The following GAB3 variants were observed in gnomAD, a reference collection of about 807,000 sequenced individuals.
GAB3 encodes GRB2-associated-binding protein 3.
Under a neutral mutation model 40.4 loss-of-function variants are expected in GAB3, and 12 were observed. That is an observed-to-expected ratio of 0.30 (90% CI 0.19 to 0.48). The LOEUF is 0.48. Among genes scored for constraint, GAB3 ranks in the 20% least tolerant of loss-of-function variants. The pLI, the probability that GAB3 is intolerant of heterozygous loss-of-function variation, is 0.99. For synonymous variants in GAB3, 154 were observed against 176.7 expected (o/e 0.87, Z 1.02); for missense variants, 381 against 461.9 (o/e 0.82, Z 1.61).
Position 154,709,366 on chromosome X carries a change from A to G in GAB3, c.1069+2863T>C, listed in dbSNP as rs181022121. ...GACGAAGTCTTGCTCTGTCGCCCAG[A>G]CTGGAGTGCAGTGGTGTGATCTTGG... On this transcript the variant is annotated intron_variant, in intron 4 of 9. Transcript: ENST00000424127. Among the ~76,000 whole-genome samples the G allele has an allele frequency of 7.7e-3, 809 of 104,643 alleles. 6 individuals carry two copies. Among genetic ancestry groups the G allele is most frequent in the Non-Finnish European group, 0.013 (652 of 51,127 alleles). The allele number at this position is 104,643 out of a possible 115,157, so 90.9% of individuals were successfully genotyped here.
Position 154,678,113 on chromosome X carries a change from A to C in GAB3, c.*65T>G, listed in dbSNP as rs782502280. On this transcript the variant is annotated 3_prime_UTR_variant, in exon 10 of 10. Coordinates refer to ENST00000424127, the MANE Select transcript of GAB3 (RefSeq NM_001081573.3). ...GTTTTTAGTGGACAAAAAAAAAAAAAAAAGAAAAAACTCAAACTGAGCCCC... is the reference window on the plus strand; with the variant it reads ...GTTTTTAGTGGACAAAAAAAAAAAACAAAGAAAAAACTCAAACTGAGCCCC... The C allele has an allele frequency of 5.3e-5, 31 of 588,962 alleles. No individual in the cohort carries two copies. The Middle Eastern group carries it at 2.6e-3, about 50-fold the overall frequency. 48.5% of individuals were successfully genotyped at this position (588,962 alleles called of 1,213,427 possible).
intron 4 of GAB3, among the ~76,000 whole-genome samples, chrX:154,708,689 A>G (rs944476988): frequency 2.7e-5 from 3 of 112,159 alleles, no homozygotes; most frequent in East Asian, 2.8e-4. Context: ...AGGATGGCTA[A>G]TATCAAAAAA....
chrX:154,680,084 G>T, intron 9 of GAB3, 48 bp downstream of exon 9: 1 of 862,379 alleles, frequency 1.2e-6, no homozygotes, highest in Non-Finnish European at 1.7e-6. Context: ...AAAAGTCTAG[G>T]CAGAGATGGA....
intron 8 of GAB3, among the ~76,000 whole-genome samples, chrX:154,692,526 G>A (rs192928197): frequency 1.1e-4 from 12 of 112,361 alleles, no homozygotes; most frequent in African/African-American, 3.9e-4. Context: ...GATGGCTCAC[G>A]CCTGTAATCT....
In GAB3 at chrX:154,716,010, C is replaced by G; in HGVS notation, c.376+16G>C. ...GGATACCCCTTAGCACATGGGAGCC[C>G]CAACTCCGCTCTTACCTGCACCATC... On this transcript the variant is annotated intron_variant, in intron 2 of 9. Coordinates refer to ENST00000424127, the MANE Select transcript of GAB3 (RefSeq NM_001081573.3). 1 of 1,196,122 alleles carries G rather than the reference C, an allele frequency of 8.4e-7. No individual in the cohort carries two copies.
chrX:154,695,457 T>C (rs1273336000), intron 8 of GAB3, among the ~76,000 whole-genome samples: 1 of 111,770 alleles, frequency 8.9e-6, no homozygotes, highest in African/African-American at 3.3e-5. Flanking sequence ...CCTTTCCCAA[T>C]GGGACTCTAA....
Position 154,699,298 on chromosome X carries a change from C to T in GAB3, c.1341G>A (p.Arg447=). The stretch of plus-strand genomic sequence containing the variant: ...CAGGCCTGGTCAAGTGCTTACATTT[C>T]CTCTGAGGCTTGAGATCTCTATTCA... ...PPVNRDLKPQ[R]KSRPPPLDLR... is the part of the protein sequence containing the mutation. The change falls in exon 6 of 10, where the codon AGG becomes AGA. Residue 447 remains arginine (R), a synonymous_variant. Transcript: ENST00000424127. The T allele has an allele frequency of 8.3e-7, 1 of 1,206,294 alleles. No individual in the cohort carries two copies. The highest frequency in any genetic ancestry group is 1.1e-6 in the Non-Finnish European group (1 of 890,597).
intron 1 of GAB3, among the ~76,000 whole-genome samples, chrX:154,724,329 G>A (rs2071180466): frequency 9.2e-6 from 1 of 108,358 alleles, no homozygotes; most frequent in Non-Finnish European, 1.9e-5. Flanking sequence ...GGGCAACAGA[G>A]TGAGACTTCA....
rs782739784 is a variant in GAB3 at position 154,726,205 on chromosome X, C to T, written c.73-9876G>A. Among the ~76,000 whole-genome samples the T allele has an allele frequency of 6.3e-5, 7 of 110,950 alleles. No individual in the cohort carries two copies. In the East Asian group the frequency reaches 2.0e-3, roughly 31 times the overall value. ...AACATTTGAGATTTAAAGGAAAATA[C>T]GAACATAATGAGAGAAATGGAAGTT... On this transcript the variant is annotated intron_variant, in intron 1 of 9. Transcript: ENST00000424127.
intron 7 of GAB3, among the ~76,000 whole-genome samples, chrX:154,696,298 CAAAA>C (rs35105330): frequency 7.5e-5 from 3 of 40,139 alleles, no homozygotes; most frequent in Non-Finnish European, 9.1e-5. Context: ...TATCATTTAG[CAAAA>C]AAAAAAAAAA....
At position 154,700,086 on chromosome X, in the gene GAB3, G is replaced by A. The variant is rs202124648; in HGVS notation, c.1070-27C>T. 14 of 1,146,039 alleles carry A rather than the reference G, an allele frequency of 1.2e-5. No individual in the cohort carries two copies. The East Asian group carries it at 2.1e-4, about 17-fold the overall frequency. The allele number at this position is 1,146,039 out of a possible 1,213,427, so 94.4% of individuals were successfully genotyped here. ...TGCAAGAAATAAGCCAAGGTGGTGA[G>A]AAATGCAGAACAATATCAACTGAAA... On this transcript the variant is annotated intron_variant, in intron 4 of 9. Transcript: ENST00000424127.
At chrX:154,685,003 T>G (rs1217878267) in intron 8 of GAB3, among the ~76,000 whole-genome samples, 1 of 112,124 alleles carries the variant, frequency 8.9e-6, no homozygotes, top group Non-Finnish European at 1.9e-5. Flanking sequence ...CGTTCTGATT[T>G]ATTAGTAACT....
chrX:154,751,515 C>A (rs1325131788), upstream of GAB3: 2 of 749,884 alleles, frequency 2.7e-6, no homozygotes, highest in African/African-American at 4.6e-5. Context: ...GTGCATAGTT[C>A]ACGGAGAAAC....
intron 1 of GAB3, among the ~76,000 whole-genome samples, chrX:154,738,589 A>C (rs1269749813): frequency 4.5e-5 from 5 of 111,872 alleles, no homozygotes; most frequent in African/African-American, 1.6e-4. Context: ...GCTGTAATTC[A>C]TCTTGGGCTA....
At chrX:154,697,380 A>G (rs2070676032) in intron 6 of GAB3, among the ~76,000 whole-genome samples, 167 bp from the exon 7 acceptor site, 1 of 112,213 alleles carries the variant, frequency 8.9e-6, no homozygotes, top group Non-Finnish European at 1.9e-5. Context: ...CTGGGAGTAA[A>G]GACAAATACT....
intron 3 of GAB3, 127 bp from the exon 4 acceptor site, chrX:154,712,828 A>C: frequency 2.4e-6 from 1 of 422,763 alleles, no homozygotes; most frequent in Non-Finnish European, 4.0e-6. Context: ...CATTCCCTCT[A>C]CAACACTCAG....
chrX:154,684,008 C>T (rs1376243932), intron 8 of GAB3, among the ~76,000 whole-genome samples: 1 of 111,697 alleles, frequency 9.0e-6, no homozygotes, highest in Non-Finnish European at 1.9e-5. Flanking sequence ...ATTTTATTCA[C>T]ACATTCATCA....
At chrX:154,711,675 G>C (rs887931362) in intron 4 of GAB3, among the ~76,000 whole-genome samples, 7 of 112,218 alleles carry the variant, frequency 6.2e-5, no homozygotes, top group Non-Finnish European at 1.3e-4. Flanking sequence ...AAAAATAGAA[G>C]GCAGTGATGG....
intron 8 of GAB3, among the ~76,000 whole-genome samples, chrX:154,695,205 T>C (rs1193704814): frequency 2.1e-4 from 23 of 111,727 alleles, no homozygotes; most frequent in Non-Finnish European, 1.5e-4. Flanking sequence ...ACAGGCACTG[T>C]CATGGCTAAA....
Sources: gnomAD v4.1 joint callset for allele counts (sites outside exome capture counted in the v4.1 genomes callset) on GRCh38, gnomAD v4.1.1 for gene constraint, MANE v1.5 for transcripts, NCBI Gene and HGNC (gene_info 2026-07-23, HGNC 2026-07-21) for gene names.